ZNF652: variants seen among roughly 807,000 people sequenced by gnomAD.
The protein encoded by ZNF652 is zinc finger protein 652.
ZNF652 carries 16 observed loss-of-function variants against 45.2 expected under a neutral mutation model. The observed-to-expected ratio is 0.35, with a 90% CI of 0.24 to 0.54. The LOEUF (loss-of-function observed/expected upper bound fraction) is 0.54. Among genes scored for constraint, ZNF652 ranks in the 20% least tolerant of loss-of-function variants. The pLI is 0.91. For missense variants in ZNF652, 614 were observed against 765.6 expected (o/e 0.80, Z 2.34); for synonymous variants, 250 against 260.6 (o/e 0.96, Z 0.39).
At chr17:49,314,184 T>C (rs941569804) in intron 2 of ZNF652, among the ~76,000 whole-genome samples, 3 of 151,752 alleles carry the variant, frequency 2.0e-5, no homozygotes, top group Non-Finnish European at 2.9e-5. Context: ...TTTTTTGAGA[T>C]GGAGTCTCAC....
At chr17:49,352,631 G>T (rs1278567230) in intron 1 of ZNF652, among the ~76,000 whole-genome samples, 3 of 152,048 alleles carry the variant, frequency 2.0e-5, no homozygotes, top group Non-Finnish European at 2.9e-5. Flanking sequence ...CCCCCTCCTA[G>T]GTATTTACCC....
intron 5 of ZNF652, among the ~76,000 whole-genome samples, chr17:49,305,562 G>C (rs922716131): frequency 6.6e-6 from 1 of 152,142 alleles, no homozygotes; most frequent in African/African-American, 2.4e-5. Flanking sequence ...ACAGTATCTG[G>C]TAAAGTGCTT....
At position 49,317,659 on chromosome 17, in the gene ZNF652, C is replaced by T; in HGVS notation, c.67G>A (p.Ala23Thr). 3 of 1,613,122 alleles carry T rather than the reference C, an allele frequency of 1.9e-6. No homozygotes were observed. Among genetic ancestry groups the T allele is most frequent in the East Asian group, 2.2e-5 (1 of 44,836 alleles). The change falls in exon 2 of 6, where the codon GCA (alanine) becomes ACA (threonine). Residue 23 changes from alanine (A) to threonine (T), a missense_variant. By Grantham distance (58) the Ala-to-Thr change is moderately conservative (BLOSUM62 0). This residue lies in a region of ZNF652 where 133 missense variants were observed against 132.2 expected (regional missense o/e 1.01). Transcript: ENST00000430262. ...ENCAVHVAGM[A>T]QEDSRRGQVP... ...TGACCACGACGGCTATCTTCTTGTG[C>T]CATTCCTGCTACATGCACAGCACAG...
intron 1 of ZNF652, among the ~76,000 whole-genome samples, chr17:49,332,694 T>C (rs1387818314): frequency 6.6e-6 from 1 of 152,188 alleles, no homozygotes; most frequent in African/African-American, 2.4e-5. Flanking sequence ...TTGCTCAGGC[T>C]GGTCTCAAAC....
At chr17:49,348,544 A>T (rs112555336) in intron 1 of ZNF652, among the ~76,000 whole-genome samples, 185 of 115,666 alleles carry the variant, frequency 1.6e-3, no homozygotes, top group African/African-American at 6.1e-3. Context: ...GAAAAGAAAA[A>T]CCCCCGCAAG....
chr17:49,345,738 G>C (rs1045025093), intron 1 of ZNF652, among the ~76,000 whole-genome samples: 4 of 151,202 alleles, frequency 2.6e-5, no homozygotes, highest in African/African-American at 9.7e-5. Flanking sequence ...CTACTCAGGA[G>C]GCTGAGGCAG....
At chr17:49,306,126 G>C (rs2069625523) in intron 5 of ZNF652, among the ~76,000 whole-genome samples, 1 of 152,188 alleles carries the variant, frequency 6.6e-6, no homozygotes, top group Non-Finnish European at 1.5e-5. Flanking sequence ...GGCAGAGCCA[G>C]GTTTGTCCAA....
intron 1 of ZNF652, among the ~76,000 whole-genome samples, chr17:49,332,956 T>C (rs757300053): frequency 6.6e-6 from 1 of 152,110 alleles, no homozygotes; most frequent in Non-Finnish European, 1.5e-5. Flanking sequence ...GAGGATCATA[T>C]GAACCCAGAA....
At chr17:49,322,825 C>T (rs1295492783) in intron 1 of ZNF652, among the ~76,000 whole-genome samples, 1 of 152,172 alleles carries the variant, frequency 6.6e-6, no homozygotes, top group Non-Finnish European at 1.5e-5. Context: ...GCGGAGTTGG[C>T]AGTGAGCCAA....
intron 1 of ZNF652, among the ~76,000 whole-genome samples, chr17:49,327,781 T>G (rs56176724): frequency 5.2e-4 from 3 of 5,804 alleles, no homozygotes; most frequent in African/African-American, 2.0e-3. Flanking sequence ...ATATATATAT[T>G]TTTTTTTTTT....
At chr17:49,320,407 CAGAG>C (rs1393912026) in intron 1 of ZNF652, among the ~76,000 whole-genome samples, 4 of 152,166 alleles carry the variant, frequency 2.6e-5, no homozygotes, top group Non-Finnish European at 5.9e-5. Flanking sequence ...AATTACGGCT[CAGAG>C]AGGCAACATA....
chr17:49,306,676 C>T (rs1215651804), intron 5 of ZNF652, among the ~76,000 whole-genome samples: 1 of 152,170 alleles, frequency 6.6e-6, no homozygotes, highest in Admixed American at 6.6e-5. Context: ...GTATATATCT[C>T]TTTGCTATAA....
intron 1 of ZNF652, among the ~76,000 whole-genome samples, chr17:49,336,942 GTTTTTTTTTT>G (rs200178711): frequency 8.7e-6 from 1 of 115,172 alleles, no homozygotes; most frequent in African/African-American, 3.3e-5. Flanking sequence ...TCTTAATGGT[GTTTTTTTTTT>G]TTTTTTTTTT....
chr17:49,320,681 T>C (rs2069877406), intron 1 of ZNF652, among the ~76,000 whole-genome samples: 1 of 152,226 alleles, frequency 6.6e-6, no homozygotes, highest in African/African-American at 2.4e-5. Flanking sequence ...ATGAGTATCA[T>C]TTAAATAAAC....
At chr17:49,305,312 A>G (rs2069613899) in intron 5 of ZNF652, among the ~76,000 whole-genome samples, 1 of 151,898 alleles carries the variant, frequency 6.6e-6, no homozygotes, top group Non-Finnish European at 1.5e-5. Context: ...CGTTGCCATT[A>G]CCATAAATTC....
intron 1 of ZNF652, among the ~76,000 whole-genome samples, chr17:49,359,879 TTATGGAGCAGGTACACCGC>T (rs138667851): frequency 0.026 from 3,915 of 152,232 alleles, 156 homozygotes; most frequent in African/African-American, 0.086. Context: ...AAAATCCTTT[TTATGGAGCAGGTACACCGC>T]TATGAGAATG....
At chr17:49,339,310 CTTTTTTTT>C (rs36110074) in intron 1 of ZNF652, among the ~76,000 whole-genome samples, 2 of 110,976 alleles carry the variant, frequency 1.8e-5, no homozygotes, top group Non-Finnish European at 3.6e-5. Flanking sequence ...TCAAGTGATT[CTTTTTTTT>C]TTTTTTTTTT....
intron 5 of ZNF652, among the ~76,000 whole-genome samples, chr17:49,308,012 A>T (rs2069656500): frequency 6.6e-6 from 1 of 152,154 alleles, no homozygotes; most frequent in Non-Finnish European, 1.5e-5. Flanking sequence ...GAACACATAA[A>T]CACTTATGCA....
chr17:49,305,627 C>T (rs959248817), intron 5 of ZNF652, among the ~76,000 whole-genome samples: 1 of 152,090 alleles, frequency 6.6e-6, no homozygotes, highest in Non-Finnish European at 1.5e-5. Context: ...GTACTCAATG[C>T]ATTTTACCTG....
Sources: gnomAD v4.1 joint callset for allele counts (sites outside exome capture counted in the v4.1 genomes callset) on GRCh38, gnomAD v4.1.1 for gene constraint, gnomAD v4.1.1 regional missense constraint, MANE v1.5 for transcripts, NCBI Gene and HGNC (gene_info 2026-07-23, HGNC 2026-07-21) for gene names.